PYM1: variants seen among roughly 807,000 people sequenced by gnomAD.
PYM1 encodes the protein PYM1 exon junction complex associated factor, also known as partner of Y14 and mago.
In PYM1, 7 loss-of-function variants were observed where a neutral mutation model predicts 20.7. That is an observed-to-expected ratio of 0.34 (90% confidence interval 0.19 to 0.64). The LOEUF (loss-of-function observed/expected upper bound fraction) is 0.64. Among genes scored for constraint, PYM1 ranks in the 30% least tolerant of loss-of-function variants. The probability of loss-of-function intolerance (pLI) is 0.74; values close to 1 mark genes in which losing one functional copy is unlikely to be tolerated. For missense variants in PYM1, 194 were observed against 250.0 expected, an observed-to-expected ratio of 0.78 and a Z score of 1.51; for synonymous variants, 100 against 99.2, an observed-to-expected ratio of 1.01 and a Z score of -0.05.
intron 1 of PYM1, among the ~76,000 whole-genome samples, chr12:55,923,317 G>A (rs1276312397): frequency 6.6e-6 from 1 of 152,134 alleles, no homozygotes; most frequent in African/African-American, 2.4e-5. Context: ...TGTAATTCTA[G>A]CACTTTGGGA....
chr12:55,924,324 A>G (rs1444667496), intron 1 of PYM1, among the ~76,000 whole-genome samples: 1 of 152,176 alleles, frequency 6.6e-6, no homozygotes, highest in African/African-American at 2.4e-5. Flanking sequence ...GCAAGGAAAC[A>G]GAAATATCAG....
intron 1 of PYM1, among the ~76,000 whole-genome samples, chr12:55,918,157 G>A (rs1433155894): frequency 6.6e-6 from 1 of 151,252 alleles, no homozygotes; most frequent in African/African-American, 2.4e-5. Context: ...GAGTGCAGTG[G>A]CGTGATCTCG....
intron 1 of PYM1, among the ~76,000 whole-genome samples, chr12:55,912,219 G>A (rs2136262569): frequency 6.6e-6 from 1 of 151,974 alleles, no homozygotes; most frequent in Middle Eastern, 3.4e-3. Context: ...GGGCATGGTG[G>A]TGCATGCCTG....
intron 1 of PYM1, among the ~76,000 whole-genome samples, chr12:55,905,932 T>TAA (rs1882802892): frequency 1.7e-5 from 2 of 118,508 alleles, no homozygotes; most frequent in East Asian, 2.1e-4. Flanking sequence ...TATATATATC[T>TAA]AATAGATATA....
chr12:55,905,796 AAAAT>A (rs1235155551), intron 1 of PYM1, among the ~76,000 whole-genome samples: 39 of 129,032 alleles, frequency 3.0e-4, no homozygotes, highest in African/African-American at 3.9e-4. Context: ...ATTATTATAT[AAAAT>A]AAATAAGTTT....
At chr12:55,912,561 G>A (rs1387646101) in intron 1 of PYM1, among the ~76,000 whole-genome samples, 1 of 151,778 alleles carries the variant, frequency 6.6e-6, no homozygotes, top group African/African-American at 2.4e-5. Context: ...TCCAGCCTGG[G>A]CAACAGGAGC....
chr12:55,902,820 G>C (rs1421396677), intron 2 of PYM1, among the ~76,000 whole-genome samples: 2 of 149,966 alleles, frequency 1.3e-5, no homozygotes, highest in Non-Finnish European at 3.0e-5. Flanking sequence ...GGGCTGAAGT[G>C]CACTGGCGCA....
chr12:55,910,102 G>C (rs1003064337), intron 1 of PYM1, among the ~76,000 whole-genome samples: 1 of 152,042 alleles, frequency 6.6e-6, no homozygotes, highest in Non-Finnish European at 1.5e-5. Flanking sequence ...CTACTCAGGA[G>C]GGTGACCTGT....
chr12:55,925,951 G>C (rs1883179865), intron 1 of PYM1, among the ~76,000 whole-genome samples: 1 of 152,224 alleles, frequency 6.6e-6, no homozygotes, highest in Non-Finnish European at 1.5e-5. Flanking sequence ...TAAATTGTGA[G>C]GTTGGGGAGA....
chr12:55,925,164 TATAGAAAATCAAAATGAATAAA>T (rs1447061890), intron 1 of PYM1, among the ~76,000 whole-genome samples: 1 of 152,186 alleles, frequency 6.6e-6, no homozygotes, highest in African/African-American at 2.4e-5. Context: ...GCCTGCTTAG[TATAGAAAATCAAAATGAATAAA>T]GAAAGCAAGA....
At position 55,925,808 on chromosome 12, in the gene PYM1, C is replaced by G. The variant is rs887199825; in HGVS notation, c.37+1917G>C. Among the ~76,000 whole-genome samples the G allele has an allele frequency of 3.3e-5, 5 of 152,058 alleles. No homozygotes were observed. In the South Asian group the frequency reaches 6.2e-4, roughly 19 times the overall value. On this transcript the variant is annotated intron_variant, in intron 1 of 2. Transcript: ENST00000408946. Reference sequence around the variant, plus strand: ...TGTGATACCTGGATTTTCACGGAGTCAGGGTAAAGAAAATGATTAAGAGTA... The same window carrying G: ...TGTGATACCTGGATTTTCACGGAGTGAGGGTAAAGAAAATGATTAAGAGTA...
In PYM1 at chr12:55,919,015, C is replaced by G. The variant is rs1194323629; in HGVS notation, c.37+8710G>C. 2.6e-5 allele frequency among the ~76,000 whole-genome samples: 4 copies of G among 152,136 alleles called. No homozygotes were observed. The East Asian group carries it at 7.7e-4, about 29-fold the overall frequency. On this transcript the variant is annotated intron_variant, in intron 1 of 2. Coordinates refer to ENST00000408946, the MANE Select transcript of PYM1 (RefSeq NM_032345.3). ...GTTTGGGAAATTCTGGGTTAAACACCAAAAAAGATTTTGCGTTTGTTTTTT... is the reference window on the plus strand; with the variant it reads ...GTTTGGGAAATTCTGGGTTAAACACGAAAAAAGATTTTGCGTTTGTTTTTT...
intron 1 of PYM1, among the ~76,000 whole-genome samples, chr12:55,904,000 ACT>A (rs1328244673): frequency 6.6e-5 from 10 of 151,874 alleles, no homozygotes; most frequent in African/African-American, 1.2e-4. Context: ...ATGGAGTTTC[ACT>A]CTGTCACCAA....
Position 55,901,841 on chromosome 12 carries a change from T to C in PYM1, c.*31A>G. 6.4e-7 allele frequency: 1 copy of C among 1,567,630 alleles called. No individual in the cohort carries two copies. The stretch of plus-strand genomic sequence containing the variant: ...GACCCCAGAGAGCCCCACGGTTTGT[T>C]CTGCAGTCCATTCCCTATTCCCCAA... On this transcript the variant is annotated 3_prime_UTR_variant, in exon 3 of 3. Transcript: ENST00000408946.
chr12:55,920,263 G>A (rs936715268), intron 1 of PYM1, among the ~76,000 whole-genome samples: 3 of 151,924 alleles, frequency 2.0e-5, no homozygotes, highest in Non-Finnish European at 4.4e-5. Context: ...AACACTTCAG[G>A]AGGCCAAGGT....
chr12:55,916,404 C>A (rs975801494), intron 1 of PYM1, among the ~76,000 whole-genome samples: 4 of 152,096 alleles, frequency 2.6e-5, no homozygotes, highest in African/African-American at 9.7e-5. Flanking sequence ...AAGTCTGATG[C>A]CAAAGCTTAC....
At chr12:55,918,359 C>G (rs532294321) in intron 1 of PYM1, among the ~76,000 whole-genome samples, 165 of 152,228 alleles carry the variant, frequency 1.1e-3, no homozygotes, top group African/African-American at 3.9e-3. Flanking sequence ...TTCGGCCTCC[C>G]AAAGTGCTGG....
intron 1 of PYM1, chr12:55,927,501 C>G: frequency 1.5e-6 from 1 of 687,500 alleles, no homozygotes; most frequent in Non-Finnish European, 2.5e-6. Context: ...TATCCAGGCT[C>G]TGGCCTGCAC....
Position 55,927,054 on chromosome 12 carries a change from G to A in PYM1, c.37+671C>T, listed in dbSNP as rs990805929. The A allele has an allele frequency of 2.3e-5, 35 of 1,490,852 alleles. No individual in the cohort carries two copies. The African/African-American group carries it at 4.6e-4, about 20-fold the overall frequency. The allele number at this position is 1,490,852 out of a possible 1,614,324, so 92.4% of individuals were successfully genotyped here. On this transcript the variant is annotated intron_variant, in intron 1 of 2. Coordinates refer to ENST00000408946, the MANE Select transcript of PYM1 (RefSeq NM_032345.3). ...TGCCCCGAGAGCCCGGAGAGAAGCG[G>A]CTCCGCGCCTCCCGCACTCACCGCC...
Sources: allele counts gnomAD v4.1 joint callset (sites outside exome capture counted in the v4.1 genomes callset), GRCh38; gene constraint gnomAD v4.1.1; transcripts MANE v1.5; gene names NCBI Gene and HGNC (gene_info 2026-07-23, HGNC 2026-07-21).